Variants in PTPRT observed in about 807,000 individuals in gnomAD.
The protein encoded by PTPRT is protein tyrosine phosphatase receptor type T.
Under a neutral mutation model 176.8 loss-of-function variants are expected in PTPRT, and 56 were observed. That is an observed-to-expected ratio of 0.32 (90% CI 0.26 to 0.40). The LOEUF (loss-of-function observed/expected upper bound fraction) is 0.40, where lower values mean the gene tolerates loss of function less well. PTPRT is among the 10% of genes least tolerant of loss of function. The probability of loss-of-function intolerance (pLI) is 1.00; values close to 1 mark genes in which losing one functional copy is unlikely to be tolerated. For missense variants in PTPRT, 1,540 were observed against 1,908.2 expected (o/e 0.81, Z 3.60); for synonymous variants, 783 against 739.0 (o/e 1.06, Z -0.96).
intron 5 of PTPRT, among the ~76,000 whole-genome samples, chr20:42,761,680 T>C (rs1449021159): frequency 6.6e-6 from 1 of 152,228 alleles, no homozygotes; most frequent in Admixed American, 6.5e-5. Context: ...CTTCTCAGAC[T>C]ACAGCATACA....
intron 2 of PTPRT, among the ~76,000 whole-genome samples, chr20:42,797,508 TC>T (rs1186515574): frequency 6.8e-6 from 1 of 147,542 alleles, no homozygotes; most frequent in Non-Finnish European, 1.5e-5. Flanking sequence ...CCCCCACCCC[TC>T]CTGCCTCTTA....
chr20:42,173,585 T>C (rs187315048), intron 16 of PTPRT, among the ~76,000 whole-genome samples: 1 of 152,180 alleles, frequency 6.6e-6, no homozygotes, highest in East Asian at 1.9e-4. Flanking sequence ...GTATAAACAA[T>C]ACATTTGGAA....
intron 8 of PTPRT, among the ~76,000 whole-genome samples, chr20:42,464,843 T>A (rs1303771584): frequency 6.6e-6 from 1 of 152,162 alleles, no homozygotes; most frequent in Non-Finnish European, 1.5e-5. Flanking sequence ...GATGTACTCA[T>A]CCTTAGCAAC....
At chr20:42,094,661 C>G (rs1985008901) in intron 27 of PTPRT, among the ~76,000 whole-genome samples, 1 of 152,122 alleles carries the variant, frequency 6.6e-6, no homozygotes, top group Non-Finnish European at 1.5e-5. Flanking sequence ...AGGCCAAGAT[C>G]AGCAGATCAC....
intron 14 of PTPRT, among the ~76,000 whole-genome samples, chr20:42,240,710 C>G (rs929711329): frequency 2.8e-4 from 27 of 94,818 alleles, no homozygotes; most frequent in African/African-American, 6.4e-4. Flanking sequence ...ATGCATGCAT[C>G]CATCCATCCC....
intron 1 of PTPRT, among the ~76,000 whole-genome samples, chr20:43,111,363 C>T (rs1479038309): frequency 1.3e-5 from 2 of 151,678 alleles, no homozygotes; most frequent in Non-Finnish European, 2.9e-5. Context: ...CAAAGTGAAA[C>T]CCCGTCTCTG....
chr20:43,178,053 G>A (rs1285840995), intron 1 of PTPRT, among the ~76,000 whole-genome samples: 1 of 152,172 alleles, frequency 6.6e-6, no homozygotes, highest in Non-Finnish European at 1.5e-5. Flanking sequence ...CTGAAGCAAG[G>A]GTGTTGTAGT....
At chr20:42,645,764 ATGTGTGTG>A (rs59454108) in intron 7 of PTPRT, among the ~76,000 whole-genome samples, 16,443 of 139,518 alleles carry the variant, frequency 0.12, 996 homozygotes, top group South Asian at 0.15. Flanking sequence ...ATGTGTATTT[ATGTGTGTG>A]TGTGTGTGTG....
chr20:43,074,639 C>A (rs971456064), intron 1 of PTPRT, among the ~76,000 whole-genome samples: 2 of 152,200 alleles, frequency 1.3e-5, no homozygotes, highest in Admixed American at 1.3e-4. Flanking sequence ...TAATGTCAGT[C>A]TGCTTTCCAC....
rs755920843 is a variant in PTPRT at position 42,084,662 on chromosome 20, G to A, written c.4136+20C>T. The A allele has an allele frequency of 4.9e-6, 7 of 1,416,600 alleles. No homozygotes were observed. Among genetic ancestry groups the A allele is most frequent in the Non-Finnish European group, 6.6e-6 (7 of 1,067,258 alleles). 87.8% of individuals were successfully genotyped at this position (1,416,600 alleles called of 1,614,324 possible). A position where few individuals can be genotyped will look rare whatever the true frequency, so the allele number is the denominator to read the frequency against. On this transcript the variant is annotated intron_variant, in intron 29 of 30. Coordinates refer to ENST00000373187, the MANE Select transcript of PTPRT (RefSeq NM_007050.6). ...TCACCCACCACCCTATTGCCCTGGTGACACCTCCCTAGTACTCACAGGCAG... is the reference window on the plus strand; with the variant it reads ...TCACCCACCACCCTATTGCCCTGGTAACACCTCCCTAGTACTCACAGGCAG...
rs2145521786 is a variant in PTPRT at position 42,352,070 on chromosome 20, T to C, written c.1762+14A>G. ...AAACAACCTTTTTTCCTTTTTCCTT[T>C]CTAGCAGAGATACCTGAAATTTTGG... On this transcript the variant is annotated intron_variant, in intron 10 of 30. Transcript: ENST00000373187. 6.2e-7 allele frequency: 1 copy of C among 1,611,408 alleles called. No homozygotes were observed. The highest frequency in any genetic ancestry group is 1.3e-5 in the African/African-American group (1 of 74,956).
chr20:43,066,624 T>C (rs2011114321), intron 1 of PTPRT, among the ~76,000 whole-genome samples: 1 of 152,178 alleles, frequency 6.6e-6, no homozygotes, highest in African/African-American at 2.4e-5. Flanking sequence ...CATTCTCCCT[T>C]GTTCTCCACA....
At chr20:42,634,288 G>C (rs1459097392) in intron 7 of PTPRT, among the ~76,000 whole-genome samples, 1 of 147,380 alleles carries the variant, frequency 6.8e-6, no homozygotes, top group Non-Finnish European at 1.5e-5. Context: ...AATGATGTGT[G>C]TTCATTGCTG....
In PTPRT at chr20:42,118,417, C is replaced by T. The variant is rs1485129344; in HGVS notation, c.2968G>A (p.Val990Met). 1 of 1,612,514 alleles carries T rather than the reference C, an allele frequency of 6.2e-7. No homozygotes were observed. Among genetic ancestry groups the T allele is most frequent in the Admixed American group, 1.7e-5 (1 of 59,860 alleles). ...GAGAGGCTTACCCTGCCCACTTCCA[C>T]CAGGTTTGTGACCATGACGATGCTG... ...SASIVMVTNL[V>M]EVGRVKCVRY... Residue 990 changes from valine to methionine, a missense_variant, in exon 21 of 31, where the codon GTG (valine) becomes ATG (methionine). Physicochemically the swap from Val to Met is conservative, Grantham distance 21. Coordinates refer to ENST00000373187, the MANE Select transcript of PTPRT (RefSeq NM_007050.6).
intron 17 of PTPRT, among the ~76,000 whole-genome samples, chr20:42,157,285 T>C (rs1989399307): frequency 6.6e-6 from 1 of 152,124 alleles, no homozygotes; most frequent in Non-Finnish European, 1.5e-5. Flanking sequence ...CCTTCCTTGC[T>C]CTATTCTTTC....
intron 8 of PTPRT, among the ~76,000 whole-genome samples, chr20:42,453,606 A>T (rs1162356352): frequency 4.6e-5 from 7 of 151,612 alleles, no homozygotes; most frequent in African/African-American, 1.5e-4. Flanking sequence ...TCCATCGTTA[A>T]ATAAATAAAT....
At chr20:42,882,933 G>A (rs1376186634) in intron 2 of PTPRT, among the ~76,000 whole-genome samples, 2 of 152,248 alleles carry the variant, frequency 1.3e-5, no homozygotes, top group Non-Finnish European at 2.9e-5. Context: ...CCAATCTCAT[G>A]TGAGTTCCCG....
rs2013268389 is a variant in PTPRT, at chr20:43,121,709, G to C, written c.88+67937C>G. 3.3e-5 allele frequency among the ~76,000 whole-genome samples: 5 copies of C among 152,042 alleles called. No homozygotes were observed. The South Asian group carries it at 1.0e-3, about 32-fold the overall frequency. On this transcript the variant is annotated intron_variant, in intron 1 of 30. Transcript: ENST00000373187. Reference sequence around the variant, plus strand: ...ATTCATGCCAAGACAAGAAGGAGTGGCAGAGAAAATAAAAAATAATAGGTG... The same window carrying C: ...ATTCATGCCAAGACAAGAAGGAGTGCCAGAGAAAATAAAAAATAATAGGTG...
chr20:42,479,541 A>G (rs1439402585), intron 7 of PTPRT, among the ~76,000 whole-genome samples: 1 of 152,176 alleles, frequency 6.6e-6, no homozygotes, highest in Non-Finnish European at 1.5e-5. Context: ...CAAAAATAAA[A>G]TCCATCTTCT....
Sources: allele counts gnomAD v4.1 joint callset (sites outside exome capture counted in the v4.1 genomes callset), GRCh38; gene constraint gnomAD v4.1.1; transcripts MANE v1.5; gene names NCBI Gene and HGNC (gene_info 2026-07-23, HGNC 2026-07-21).